YWHAZ: variants seen among roughly 807,000 people sequenced by gnomAD.
YWHAZ encodes tyrosine 3-monooxygenase/tryptophan 5-monooxygenase activation protein zeta.
For synonymous variants in YWHAZ, 87 were observed against 103.6 expected (o/e 0.84, Z 0.97); for missense variants, 79 against 284.8 (o/e 0.28, Z 5.20).
intron 2 of YWHAZ, among the ~76,000 whole-genome samples, chr8:100,933,762 C>T (rs1351074689): frequency 6.6e-6 from 1 of 152,108 alleles, no homozygotes; most frequent in East Asian, 1.9e-4. Context: ...ATCACAATCA[C>T]TTTGGAAGGC....
In YWHAZ at chr8:100,924,113, A is replaced by G. The variant is rs746476541; in HGVS notation, c.582+22T>C. 1.1e-5 allele frequency: 17 copies of G among 1,608,674 alleles called. No individual in the cohort carries two copies. The Admixed American group carries it at 2.9e-4, about 27-fold the overall frequency. ...AAATAATAAAGACTGCTAAATTTCTACGTAACAGGTAAAATACATACTGTC... is the reference window on the plus strand; with the variant it reads ...AAATAATAAAGACTGCTAAATTTCTGCGTAACAGGTAAAATACATACTGTC... On this transcript the variant is annotated intron_variant, in intron 4 of 5. Transcript: ENST00000395958. This position sits in a 1 kb window ranked among gnomAD's most constrained non-coding sequence, Gnocchi z 5.7.
chr8:100,949,888 G>C (rs1810582165), intron 1 of YWHAZ, among the ~76,000 whole-genome samples: 1 of 152,066 alleles, frequency 6.6e-6, no homozygotes, highest in African/African-American at 2.4e-5. Flanking sequence ...TTTGCAAGTT[G>C]CCGAACAGCA....
rs1043643191 is a variant in YWHAZ, at chr8:100,918,825, GAA to G, written c.*1866_*1867del. 1 of 152,408 alleles carries G rather than the reference GAA, an allele frequency of 6.6e-6. No homozygotes were observed. The highest frequency in any genetic ancestry group is 1.5e-5 in the Non-Finnish European group (1 of 67,990). The allele number at this position is 152,408 out of a possible 1,614,324, so 9.4% of individuals were successfully genotyped here. ...CTCTTGAGGAGCTTACATTCTAAAA[GAA>G]AAAATACACCTTTTTTAAAATGGCA... On this transcript the variant is annotated 3_prime_UTR_variant, in exon 6 of 6. Coordinates refer to ENST00000395958, the MANE Select transcript of YWHAZ (RefSeq NM_145690.3).
intron 1 of YWHAZ, chr8:100,950,992 G>A: frequency 3.9e-6 from 1 of 253,434 alleles, no homozygotes; most frequent in Non-Finnish European, 6.2e-6. Flanking sequence ...AGCCGACTGC[G>A]GGCTCACCAC....
At chr8:100,947,126 C>T (rs1452431942) in intron 2 of YWHAZ, among the ~76,000 whole-genome samples, 8 of 151,276 alleles carry the variant, frequency 5.3e-5, no homozygotes, top group East Asian at 1.9e-4. Context: ...CAGTGGCAGG[C>T]GCCTGTAGTC....
At chr8:100,950,657 T>TTGGGC in intron 1 of YWHAZ, 1 of 716,676 alleles carries the variant, frequency 1.4e-6, no homozygotes, top group Non-Finnish European at 1.6e-6. Context: ...GCCCAAGCCG[T>TTGGGC]GGGGGGGGGG....
intron 2 of YWHAZ, among the ~76,000 whole-genome samples, chr8:100,935,270 T>C (rs1814064825): frequency 6.6e-6 from 1 of 152,220 alleles, no homozygotes; most frequent in African/African-American, 2.4e-5. Flanking sequence ...AATATTAAAC[T>C]CCCTGACTGA....
chr8:100,940,457 G>A (rs1809745413), intron 2 of YWHAZ, among the ~76,000 whole-genome samples: 1 of 152,148 alleles, frequency 6.6e-6, no homozygotes, highest in African/African-American at 2.4e-5. Context: ...TCTTTGACTT[G>A]TATTATTTGT....
intron 2 of YWHAZ, among the ~76,000 whole-genome samples, chr8:100,929,753 C>G (rs553236381): frequency 6.6e-6 from 1 of 152,032 alleles, no homozygotes; most frequent in Non-Finnish European, 1.5e-5. Context: ...CGAAGAATAA[C>G]AAATCCAAGT....
upstream of YWHAZ, chr8:100,953,099 A>G (rs1052039519): frequency 4.0e-6 from 4 of 990,254 alleles, no homozygotes; most frequent in East Asian, 2.3e-4. Flanking sequence ...CAGAGTTCCG[A>G]GGGGAAAGGA....
At chr8:100,950,761 C>T in intron 1 of YWHAZ, 1 of 213,532 alleles carries the variant, frequency 4.7e-6, no homozygotes, top group Non-Finnish European at 8.0e-6. Context: ...GCGGACACAC[C>T]CCGCTCTCCC....
At chr8:100,931,207 T>C (rs1183893957) in intron 2 of YWHAZ, among the ~76,000 whole-genome samples, 1 of 152,220 alleles carries the variant, frequency 6.6e-6, no homozygotes, top group Non-Finnish European at 1.5e-5. Flanking sequence ...AGTCTATATT[T>C]ACAATGATGT....
Position 100,919,502 on chromosome 8 carries a change from G to C in YWHAZ, c.*1191C>G, listed in dbSNP as rs1044368704. On this transcript the variant is annotated 3_prime_UTR_variant, in exon 6 of 6. Coordinates refer to ENST00000395958, the MANE Select transcript of YWHAZ (RefSeq NM_145690.3). ...TTTTCAGGGTGGGGAGGAAGAGAGG[G>C]GATCATGGGACATGGAAACAGTAGT... 6 of 152,190 alleles carry C rather than the reference G, an allele frequency of 3.9e-5. No individual in the cohort carries two copies. Among genetic ancestry groups the C allele is most frequent in the Non-Finnish European group, 7.4e-5 (5 of 68,002 alleles). The allele number at this position is 152,190 out of a possible 1,614,324, so 9.4% of individuals were successfully genotyped here.
chr8:100,943,839 T>TA (rs1176180750), intron 2 of YWHAZ, among the ~76,000 whole-genome samples: 1 of 151,854 alleles, frequency 6.6e-6, no homozygotes, highest in Non-Finnish European at 1.5e-5. Context: ...ACAATACAAT[T>TA]AGCTGGGTGT....
At chr8:100,927,010 C>A (rs568430213) in intron 2 of YWHAZ, among the ~76,000 whole-genome samples, 1 of 152,310 alleles carries the variant, frequency 6.6e-6, no homozygotes, top group African/African-American at 2.4e-5. Context: ...ACCGTGTGAA[C>A]TACTTAATCT....
chr8:100,952,672 A>G (rs2290291), upstream of YWHAZ: 50,350 of 560,014 alleles, frequency 0.09, 3,165 homozygotes, highest in East Asian at 0.49. Context: ...CGGCTCCGGC[A>G]TTGTGATCAG....
rs868801867 is a variant in YWHAZ at position 100,934,340 on chromosome 8, A to T, written c.295-9301T>A. Among the ~76,000 whole-genome samples the T allele has an allele frequency of 1.0e-2, 1,064 of 106,828 alleles. 11 individuals are homozygous for T. Among genetic ancestry groups the T allele is most frequent in the African/African-American group, 0.031 (969 of 31,454 alleles). 70.1% of individuals were successfully genotyped at this position (106,828 alleles called of 152,430 possible). Reference sequence around the variant, plus strand: ...GACCCTATCTTTTTTTTTTTTTTTTAAAAGGAGGGTCTGGCTAAGTAAGTT... The same window carrying T: ...GACCCTATCTTTTTTTTTTTTTTTTTAAAGGAGGGTCTGGCTAAGTAAGTT... On this transcript the variant is annotated intron_variant, in intron 2 of 5. Coordinates refer to ENST00000395958, the MANE Select transcript of YWHAZ (RefSeq NM_145690.3).
At chr8:100,943,835 C>A (rs774964531) in intron 2 of YWHAZ, among the ~76,000 whole-genome samples, 2 of 151,678 alleles carry the variant, frequency 1.3e-5, no homozygotes, top group African/African-American at 2.4e-5. Context: ...AAATACAATA[C>A]AATTAGCTGG....
Position 100,920,442 on chromosome 8 carries a change from T to G in YWHAZ, c.*251A>C, listed in dbSNP as rs191185043. 1,040 of 525,840 alleles carry G rather than the reference T, an allele frequency of 2.0e-3. 7 individuals carry two copies. The highest frequency in any genetic ancestry group is 4.1e-3 in the Middle Eastern group (8 of 1,942). The allele number at this position is 525,840 out of a possible 1,614,324, so 32.6% of individuals were successfully genotyped here. A position where few individuals can be genotyped will look rare whatever the true frequency, so the allele number is the denominator to read the frequency against. ...CCAAAAGTACTATGCCAAACACTTA[T>G]AACTTGTATAAAAATTCCACATCCC... On this transcript the variant is annotated 3_prime_UTR_variant, in exon 6 of 6. Coordinates refer to ENST00000395958, the MANE Select transcript of YWHAZ (RefSeq NM_145690.3).
Sources: allele counts gnomAD v4.1 joint callset (sites outside exome capture counted in the v4.1 genomes callset), GRCh38; gene constraint gnomAD v4.1.1; non-coding constraint Gnocchi (gnomAD v3.1); transcripts MANE v1.5; gene names NCBI Gene and HGNC (gene_info 2026-07-23, HGNC 2026-07-21).